Variants in RANBP2 observed in about 807,000 individuals in gnomAD.
RANBP2 encodes the protein RAN binding protein 2.
RANBP2 carries 57 observed loss-of-function variants against 303.6 expected under a neutral mutation model. The observed-to-expected ratio is 0.19, with a 90% CI of 0.15 to 0.23. RANBP2 has a LOEUF of 0.23. Among genes scored for constraint, RANBP2 ranks in the 10% least tolerant of loss-of-function variants. The probability of loss-of-function intolerance (pLI) is 1.00; values close to 1 mark genes in which losing one functional copy is unlikely to be tolerated. For synonymous variants in RANBP2, 1,167 were observed against 1,301.5 expected (o/e 0.90, Z 2.23); for missense variants, 3,138 against 3,780.8 (o/e 0.83, Z 4.46).
chr2:109,517,371 A>G, the RANBP2 span, among the ~76,000 whole-genome samples: 1 of 152,270 alleles, frequency 6.6e-6, no homozygotes, highest in East Asian at 1.9e-4. Flanking sequence ...TTCATTGGTC[A>G]TTCATGTGTC....
the RANBP2 span, among the ~76,000 whole-genome samples, chr2:109,078,098 A>ATATATATATATATATATATATGGCG: frequency 5.5e-4 from 33 of 60,050 alleles, 2 homozygotes; most frequent in African/African-American, 2.6e-3. Context: ...ATATATATAT[A>ATATATATATATATATATATATGGCG]TATATATATA....
At chr2:109,086,403 A>G in the RANBP2 span, among the ~76,000 whole-genome samples, 1 of 152,172 alleles carries the variant, frequency 6.6e-6, no homozygotes, top group African/African-American at 2.4e-5. Context: ...CCTTTTCTAT[A>G]TATGATCTCA....
At chr2:109,385,550 T>G in the RANBP2 span, among the ~76,000 whole-genome samples, 2 of 152,282 alleles carry the variant, frequency 1.3e-5, no homozygotes, top group Non-Finnish European at 2.9e-5. Flanking sequence ...GAGAATGAGT[T>G]TCCTTGAACT....
At chr2:109,585,185 T>C in the RANBP2 span, 17 of 1,610,800 alleles carry the variant, frequency 1.1e-5, no homozygotes, top group Admixed American at 8.4e-5. Flanking sequence ...TCAATTTCAA[T>C]TGAACATTAC....
At chr2:109,006,761 C>T in the RANBP2 span, among the ~76,000 whole-genome samples, 3 of 152,192 alleles carry the variant, frequency 2.0e-5, no homozygotes, top group African/African-American at 4.8e-5. Flanking sequence ...TATTTTCTAG[C>T]GCATCCCAGG....
At chr2:109,383,527 T>A in the RANBP2 span, among the ~76,000 whole-genome samples, 1 of 152,220 alleles carries the variant, frequency 6.6e-6, no homozygotes, top group Admixed American at 6.5e-5. Flanking sequence ...ACTTTCTGTT[T>A]CCAATGGATA....
the RANBP2 span, among the ~76,000 whole-genome samples, chr2:109,063,656 A>G: frequency 6.6e-6 from 1 of 152,184 alleles, no homozygotes; most frequent in Non-Finnish European, 1.5e-5. Flanking sequence ...GGCACATACA[A>G]GAGATACAGA....
chr2:109,403,929 C>CT, the RANBP2 span, among the ~76,000 whole-genome samples: 1 of 152,220 alleles, frequency 6.6e-6, no homozygotes, highest in Non-Finnish European at 1.5e-5. Context: ...TGCGTGCGGG[C>CT]TGCCCTCCTT....
chr2:109,589,426 G>A, the RANBP2 span, among the ~76,000 whole-genome samples: 4 of 152,138 alleles, frequency 2.6e-5, no homozygotes, highest in Non-Finnish European at 4.4e-5. Flanking sequence ...CAGCTACTCC[G>A]GAGGCTACAG....
the RANBP2 span, among the ~76,000 whole-genome samples, chr2:109,407,902 G>T: frequency 2.0e-5 from 3 of 152,108 alleles, no homozygotes; most frequent in Admixed American, 6.5e-5. Flanking sequence ...GATTTTTGTC[G>T]ATTGCAAAGC....
the RANBP2 span, among the ~76,000 whole-genome samples, chr2:109,623,004 G>A: frequency 5.3e-3 from 808 of 152,252 alleles, 6 homozygotes; most frequent in African/African-American, 0.019. Flanking sequence ...GCACAGGCCT[G>A]TAATCCCAGC....
At chr2:109,267,791 A>G in the RANBP2 span, among the ~76,000 whole-genome samples, 1 of 152,194 alleles carries the variant, frequency 6.6e-6, no homozygotes, top group Non-Finnish European at 1.5e-5. Context: ...AGCGAGGCCG[A>G]GTCAAGCCCT....
the RANBP2 span, among the ~76,000 whole-genome samples, chr2:108,964,932 T>C: frequency 6.6e-6 from 1 of 152,226 alleles, no homozygotes; most frequent in Non-Finnish European, 1.5e-5. Flanking sequence ...TCATTCTAAT[T>C]AAATCCTATA....
the RANBP2 span, among the ~76,000 whole-genome samples, chr2:109,468,810 C>A: frequency 7.1e-6 from 1 of 141,086 alleles, no homozygotes; most frequent in African/African-American, 2.7e-5. Context: ...GCCAAGATCG[C>A]GGCAGTGCAC....
the RANBP2 span, among the ~76,000 whole-genome samples, chr2:109,421,732 A>G: frequency 6.6e-6 from 1 of 152,174 alleles, no homozygotes; most frequent in Non-Finnish European, 1.5e-5. Context: ...GTCGGACAAC[A>G]TCCTTCTAAG....
At chr2:108,864,470 C>G in the RANBP2 span, among the ~76,000 whole-genome samples, 1 of 151,990 alleles carries the variant, frequency 6.6e-6, no homozygotes, top group Non-Finnish European at 1.5e-5. Context: ...TGAGACCAGC[C>G]TGGGCAACAT....
chr2:109,577,291 G>A, the RANBP2 span, among the ~76,000 whole-genome samples: 9 of 152,066 alleles, frequency 5.9e-5, no homozygotes, highest in African/African-American at 2.2e-4. Context: ...ATAATACCTC[G>A]TGTAGTTAAA....
the RANBP2 span, chr2:109,130,046 C>T: frequency 6.6e-6 from 9 of 1,359,652 alleles, no homozygotes; most frequent in Non-Finnish European, 8.5e-6. Flanking sequence ...TTCCTCTCCG[C>T]GGCCGCGGGC....
intron 7 of RANBP2, among the ~76,000 whole-genome samples, chr2:108,742,368 A>G (rs1433948518): frequency 6.6e-6 from 1 of 152,064 alleles, no homozygotes; most frequent in Non-Finnish European, 1.5e-5. Flanking sequence ...CAGTGGCGCA[A>G]TCTCAGCTCA....
Sources: allele counts gnomAD v4.1 joint callset (sites outside exome capture counted in the v4.1 genomes callset), GRCh38; gene constraint gnomAD v4.1.1; transcripts MANE v1.5; gene names NCBI Gene and HGNC (gene_info 2026-07-23, HGNC 2026-07-21).